Variants in NOL10 observed in about 807,000 individuals in gnomAD.
NOL10 encodes the protein H_NH0074G24.1.
NOL10 carries 58 observed loss-of-function variants against 103.5 expected under a neutral mutation model. The ratio of observed to expected loss-of-function variants is 0.56; its 90% CI spans 0.45 to 0.70. The LOEUF is 0.70. Among genes scored for constraint, NOL10 ranks in the 30% least tolerant of loss-of-function variants. The pLI is 0.00. For synonymous variants in NOL10, 287 were observed against 282.5 expected (o/e 1.02, Z -0.16); for missense variants, 763 against 807.3 (o/e 0.95, Z 0.67).
chr2:10,659,496 G>C (rs1272258743), intron 9 of NOL10, among the ~76,000 whole-genome samples: 2 of 150,882 alleles, frequency 1.3e-5, no homozygotes, highest in African/African-American at 4.9e-5. Flanking sequence ...GGGTAACACA[G>C]TGAGACACCA....
At position 10,659,266 on chromosome 2, in the gene NOL10, T is replaced by C. The variant is rs554761630; in HGVS notation, c.678-16A>G. On this transcript the variant is annotated splice_polypyrimidine_tract_variant and intron_variant, in intron 9 of 20. Coordinates refer to ENST00000381685, the MANE Select transcript of NOL10 (RefSeq NM_024894.4). ...ACTGTTTATCCTGAAAAGCAAAATATTCATGCTTCATGAATATACGGCCAA... is the reference window on the plus strand; with the variant it reads ...ACTGTTTATCCTGAAAAGCAAAATACTCATGCTTCATGAATATACGGCCAA... 27 of 1,461,106 alleles carry C rather than the reference T, an allele frequency of 1.8e-5. No individual in the cohort carries two copies. Among genetic ancestry groups the C allele is most frequent in the African/African-American group, 1.3e-4 (9 of 69,910 alleles). The allele number at this position is 1,461,106 out of a possible 1,614,324, so 90.5% of individuals were successfully genotyped here.
intron 12 of NOL10, among the ~76,000 whole-genome samples, chr2:10,651,587 T>C (rs1047379025): frequency 6.6e-6 from 1 of 152,172 alleles, no homozygotes; most frequent in Non-Finnish European, 1.5e-5. Context: ...TACATGTCAA[T>C]GCCCACGAGT....
At chr2:10,689,475 G>A (rs73169929) in intron 1 of NOL10, among the ~76,000 whole-genome samples, 2,578 of 152,296 alleles carry the variant, frequency 0.017, 91 homozygotes, top group African/African-American at 0.058. Context: ...TTTCCTCCTC[G>A]ATGTACGGCA....
chr2:10,589,415 G>T, intron 18 of NOL10, 125 bp from the exon 19 acceptor site: 1 of 1,352,952 alleles, frequency 7.4e-7, no homozygotes, highest in Non-Finnish European at 9.9e-7. Flanking sequence ...TGCATCAGGA[G>T]AAATGCCTTT....
intron 13 of NOL10, among the ~76,000 whole-genome samples, chr2:10,620,661 A>C (rs1170865720): frequency 6.6e-6 from 1 of 152,240 alleles, no homozygotes; most frequent in East Asian, 1.9e-4. Context: ...TAGAGTCTTA[A>C]GTATGCATAG....
At chr2:10,619,805 C>T (rs1677030306) in intron 13 of NOL10, among the ~76,000 whole-genome samples, 1 of 152,294 alleles carries the variant, frequency 6.6e-6, no homozygotes, top group South Asian at 2.1e-4. Context: ...CCTGGCCTTG[C>T]ACCTCGGCTA....
intron 13 of NOL10, among the ~76,000 whole-genome samples, chr2:10,638,298 G>GT (rs1437225834): frequency 1.0e-5 from 1 of 95,306 alleles, no homozygotes; most frequent in Non-Finnish European, 2.2e-5. Flanking sequence ...CAAAAATAAC[G>GT]TAACGTGACG....
intron 13 of NOL10, among the ~76,000 whole-genome samples, chr2:10,627,565 C>T (rs963906357): frequency 2.0e-5 from 3 of 151,902 alleles, no homozygotes; most frequent in Non-Finnish European, 4.4e-5. Flanking sequence ...GTCCCAGCTA[C>T]TCGGGAGGCT....
At chr2:10,674,465 G>A (rs1315117045) in intron 4 of NOL10, among the ~76,000 whole-genome samples, 1 of 151,934 alleles carries the variant, frequency 6.6e-6, no homozygotes, top group African/African-American at 2.4e-5. Context: ...GGTAGAAACT[G>A]TGAATTGATA....
intron 3 of NOL10, among the ~76,000 whole-genome samples, chr2:10,678,436 A>AAAAC (rs1553315652): frequency 2.0e-5 from 3 of 149,980 alleles, no homozygotes; most frequent in Non-Finnish European, 3.0e-5. Context: ...AAAAAAAAAA[A>AAAAC]CACTAATAAA....
chr2:10,615,998 G>A (rs1413892956), intron 13 of NOL10, among the ~76,000 whole-genome samples: 2 of 152,020 alleles, frequency 1.3e-5, no homozygotes, highest in Admixed American at 6.6e-5. Context: ...TGGGACCCTC[G>A]CCTCCTTTTC....
intron 13 of NOL10, chr2:10,622,228 T>C: frequency 3.7e-5 from 17 of 463,712 alleles, no homozygotes; most frequent in South Asian, 2.5e-4. Context: ...AACAAAACAC[T>C]ATGCAACTAT....
intron 13 of NOL10, among the ~76,000 whole-genome samples, chr2:10,635,146 G>C (rs980072659): frequency 2.6e-5 from 4 of 152,140 alleles, no homozygotes. Context: ...CAGACTGAAG[G>C]TAATTTTATA....
In NOL10 at chr2:10,600,871, T is replaced by C. The variant is rs756127401; in HGVS notation, c.1404A>G (p.Thr468=). 1.3e-5 allele frequency: 20 copies of C among 1,553,462 alleles called. No individual in the cohort carries two copies. The South Asian group carries it at 2.0e-4, about 16-fold the overall frequency. The change falls in exon 17 of 21, where the codon ACA becomes ACG. Residue 468 remains threonine, a synonymous_variant. Coordinates refer to ENST00000381685, the MANE Select transcript of NOL10 (RefSeq NM_024894.4). ...ACCTTACCTTAACTTTCTTTTTCCATGTAGATTTCTGCTTCTCCTCTTCTT... is the reference window on the plus strand; with the variant it reads ...ACCTTACCTTAACTTTCTTTTTCCACGTAGATTTCTGCTTCTCCTCTTCTT... The part of the protein sequence containing the change: ...IEEEEEKQKS[T]WKKKVKSLPN...
chr2:10,661,699 C>T (rs1680220123), intron 9 of NOL10, among the ~76,000 whole-genome samples: 1 of 151,906 alleles, frequency 6.6e-6, no homozygotes, highest in South Asian at 2.1e-4. Flanking sequence ...TTTTCAGTTA[C>T]TCTCCTGAGT....
chr2:10,667,426 C>G, intron 7 of NOL10, 148 bp from the exon 8 acceptor site: 1 of 669,342 alleles, frequency 1.5e-6, no homozygotes, highest in Non-Finnish European at 2.6e-6. Flanking sequence ...ATGGAAAACA[C>G]CAAGGTATGA....
chr2:10,606,226 C>CT (rs58301569), intron 14 of NOL10, among the ~76,000 whole-genome samples: 31,161 of 149,060 alleles, frequency 0.21, 4,023 homozygotes, highest in Non-Finnish European at 0.3. Context: ...GTACATTTAT[C>CT]TTTTTTTTTT....
chr2:10,601,431 G>T (rs1675971140), intron 16 of NOL10, among the ~76,000 whole-genome samples: 1 of 152,092 alleles, frequency 6.6e-6, no homozygotes, highest in Non-Finnish European at 1.5e-5. Context: ...ATGATACCAG[G>T]TGGGCCACAT....
At chr2:10,638,669 C>G (rs1678479624) in intron 13 of NOL10, among the ~76,000 whole-genome samples, 1 of 150,168 alleles carries the variant, frequency 6.7e-6, no homozygotes, top group Admixed American at 6.7e-5. Flanking sequence ...TTTTTTGTCT[C>G]TTTAGTAGAG....
Sources: gnomAD v4.1 joint callset for allele counts (sites outside exome capture counted in the v4.1 genomes callset) on GRCh38, gnomAD v4.1.1 for gene constraint, MANE v1.5 for transcripts, NCBI Gene and HGNC (gene_info 2026-07-23, HGNC 2026-07-21) for gene names.